The following DOCK7 variants were observed in gnomAD, a reference collection of about 807,000 sequenced individuals.
DOCK7 encodes dedicator of cytokinesis 7.
Under a neutral mutation model 271.0 loss-of-function variants are expected in DOCK7, and 138 were observed. The ratio of observed to expected loss-of-function variants is 0.51; its 90% CI spans 0.44 to 0.59. DOCK7 has a LOEUF of 0.59. Ranked by LOEUF, DOCK7 falls within the 20% of genes least tolerant of loss-of-function variation. DOCK7 has a pLI of 0.00. For synonymous variants in DOCK7, 823 were observed against 876.1 expected (o/e 0.94, Z 1.07); for missense variants, 2,066 against 2,592.4 (o/e 0.80, Z 4.41).
chr1:62,579,501 C>T (rs1223630644), intron 16 of DOCK7, among the ~76,000 whole-genome samples: 1 of 151,682 alleles, frequency 6.6e-6, no homozygotes, highest in African/African-American at 2.4e-5. Context: ...GAGGCTGTGG[C>T]GTCAGGATCA....
At position 62,614,001 on chromosome 1, in the gene DOCK7, T is replaced by G. The variant is rs970331866; in HGVS notation, c.1682+4705A>C. On this transcript the variant is annotated intron_variant, in intron 14 of 49. Transcript: ENST00000635253. ...ATATATAAACTAAAAGGAGCCCTAG[T>G]GTCAACTTTATCTTCCTTTTTTTTA... Among the ~76,000 whole-genome samples, 5 of 152,114 alleles carry G rather than the reference T, an allele frequency of 3.3e-5. No homozygotes were observed. The South Asian group carries it at 6.2e-4, about 19-fold the overall frequency.
At chr1:62,649,370 C>T (rs1657059227) in intron 4 of DOCK7, among the ~76,000 whole-genome samples, 1 of 152,080 alleles carries the variant, frequency 6.6e-6, no homozygotes. Context: ...GTTGCTAAAG[C>T]TATTAAAATA....
intron 14 of DOCK7, among the ~76,000 whole-genome samples, chr1:62,588,451 T>C (rs1456137725): frequency 6.6e-6 from 1 of 152,214 alleles, no homozygotes; most frequent in African/African-American, 2.4e-5. Flanking sequence ...CCATCTTTTC[T>C]AGCCTTGTGA....
chr1:62,513,212 T>C (rs1445444026), intron 33 of DOCK7, among the ~76,000 whole-genome samples: 3 of 126,688 alleles, frequency 2.4e-5, no homozygotes, highest in Non-Finnish European at 4.7e-5. Flanking sequence ...TAGAGAGGAC[T>C]TTCTAGAGAA....
intron 1 of DOCK7, among the ~76,000 whole-genome samples, chr1:62,682,584 A>T (rs1661295047): frequency 6.6e-6 from 1 of 152,210 alleles, no homozygotes; most frequent in African/African-American, 2.4e-5. Flanking sequence ...TGATGAAGAA[A>T]AGAAAAAAGT....
chr1:62,529,559 T>C, intron 29 of DOCK7, 113 bp from the exon 30 acceptor site: 1 of 728,576 alleles, frequency 1.4e-6, no homozygotes, highest in Non-Finnish European at 2.0e-6. Context: ...TTCAATTTCT[T>C]ACCTTTGTCA....
At chr1:62,597,073 T>C (rs2149523901) in intron 14 of DOCK7, among the ~76,000 whole-genome samples, 1 of 151,668 alleles carries the variant, frequency 6.6e-6, no homozygotes, top group East Asian at 1.9e-4. Flanking sequence ...CCTGAGGGAG[T>C]GGAGAAAGGC....
intron 12 of DOCK7, among the ~76,000 whole-genome samples, chr1:62,622,307 T>C (rs943466174): frequency 1.3e-5 from 2 of 152,198 alleles, no homozygotes; most frequent in African/African-American, 4.8e-5. Context: ...TTCCTCTACA[T>C]TGGTTGTTTA....
intron 22 of DOCK7, among the ~76,000 whole-genome samples, chr1:62,548,122 C>T (rs1270759369): frequency 1.3e-5 from 2 of 151,626 alleles, no homozygotes; most frequent in African/African-American, 4.9e-5. Flanking sequence ...CACAATGAAG[C>T]TTACACTCTG....
At chr1:62,636,681 A>G in intron 7 of DOCK7, 78 bp from the exon 8 acceptor site, 2 of 1,220,374 alleles carry the variant, frequency 1.6e-6, no homozygotes, top group Non-Finnish European at 2.3e-6. Flanking sequence ...TTCCAAAACT[A>G]AATTATCACA....
intron 43 of DOCK7, chr1:62,482,092 T>A (rs909435555): frequency 7.2e-5 from 11 of 152,250 alleles, no homozygotes; most frequent in African/African-American, 2.7e-4. Context: ...TTTCTAATAG[T>A]AATTATGATT....
At chr1:62,574,193 G>A (rs569041399) in intron 18 of DOCK7, among the ~76,000 whole-genome samples, 9 of 152,096 alleles carry the variant, frequency 5.9e-5, no homozygotes, top group African/African-American at 2.2e-4. Context: ...CATCACACAC[G>A]GTACTCTACG....
At chr1:62,530,169 TCTCA>T (rs1023611959) in intron 29 of DOCK7, among the ~76,000 whole-genome samples, 5 of 152,170 alleles carry the variant, frequency 3.3e-5, no homozygotes, top group Non-Finnish European at 5.9e-5. Context: ...CAGTTTCAGA[TCTCA>T]CTCTCTCTCC....
chr1:62,562,987 T>C (rs1251110097), intron 18 of DOCK7, among the ~76,000 whole-genome samples: 2 of 152,130 alleles, frequency 1.3e-5, no homozygotes, highest in African/African-American at 4.8e-5. Context: ...GCTACACACA[T>C]TGAGGTGCTA....
At position 62,647,696 on chromosome 1, in the gene DOCK7, T is replaced by A; in HGVS notation, c.813A>T (p.Ser271=). Residue 271 remains serine (S), a synonymous_variant, in exon 7 of 50, where the codon TCA becomes TCT. Coordinates refer to ENST00000635253, the MANE Select transcript of DOCK7 (RefSeq NM_001367561.1). The part of the protein sequence containing the change: ...FGQRLLVKCL[S]LKFEIEIEPI... Reference sequence around the variant, plus strand: ...TAAAAGAAATAAATACTCACTTGAGTGATAAGCATTTTACAAGAAGTCTTT... The same window carrying A: ...TAAAAGAAATAAATACTCACTTGAGAGATAAGCATTTTACAAGAAGTCTTT... 6.3e-7 allele frequency: 1 copy of A among 1,599,240 alleles called. No individual in the cohort carries two copies. Among genetic ancestry groups the A allele is most frequent in the Non-Finnish European group, 8.5e-7 (1 of 1,172,664 alleles).
chr1:62,495,818 G>A, intron 38 of DOCK7, 137 bp from the exon 39 acceptor site: 2 of 622,138 alleles, frequency 3.2e-6, no homozygotes, highest in Non-Finnish European at 5.2e-6. Context: ...ATTCTGTACA[G>A]TATAGGTATG....
At chr1:62,604,419 T>C (rs1383219788) in intron 14 of DOCK7, 1 of 895,070 alleles carries the variant, frequency 1.1e-6, no homozygotes, top group Non-Finnish European at 1.7e-6. Flanking sequence ...ATTTTACCTC[T>C]AATCTTCCTC....
At chr1:62,654,765 A>G (rs1657790716) in intron 2 of DOCK7, among the ~76,000 whole-genome samples, 1 of 152,228 alleles carries the variant, frequency 6.6e-6, no homozygotes, top group Non-Finnish European at 1.5e-5. Flanking sequence ...TTCTAAATGC[A>G]ATCACATATA....
rs1022182913 is a variant in DOCK7 at position 62,539,880 on chromosome 1, C to T, written c.3058G>A (p.Val1020Met). 1.9e-6 allele frequency: 3 copies of T among 1,598,668 alleles called. No homozygotes were observed. Among genetic ancestry groups the T allele is most frequent in the Admixed American group, 1.8e-5 (1 of 56,716 alleles). Residue 1020 changes from valine (V) to methionine (M), a missense_variant, in exon 26 of 50, where the codon GTG (valine) becomes ATG (methionine). Around this residue, in one of 2 missense-constraint regions of DOCK7, gnomAD observed 1,414 missense variants for 1,670.4 expected, o/e 0.85. Transcript: ENST00000635253. ...TTATCATTAAAGTATAAATGGTGCA[C>T]CATGCTCTTTACCTGAAAAAAAGAT... ...FFFELMVKSM[V>M]HHLYFNDKLE...
Sources: allele counts gnomAD v4.1 joint callset (sites outside exome capture counted in the v4.1 genomes callset), GRCh38; gene constraint gnomAD v4.1.1; regional missense constraint gnomAD v4.1.1; transcripts MANE v1.5; gene names NCBI Gene and HGNC (gene_info 2026-07-23, HGNC 2026-07-21).